Variants in PLCL2 observed in about 807,000 individuals in gnomAD.
PLCL2 encodes the protein phospholipase C like 2.
In PLCL2, 4 loss-of-function variants were observed where a neutral mutation model predicts 79.6. The ratio of observed to expected loss-of-function variants is 0.05; its 90% CI spans 0.02 to 0.11. The LOEUF is 0.11. Ranked by LOEUF, PLCL2 falls within the 10% of genes least tolerant of loss-of-function variation. PLCL2 has a pLI of 1.00. For missense variants in PLCL2, 895 were observed against 1,291.0 expected (o/e 0.69, Z 4.70); for synonymous variants, 484 against 457.7 (o/e 1.06, Z -0.73).
At chr3:16,925,904 A>G (rs370542075) in intron 1 of PLCL2, among the ~76,000 whole-genome samples, 1 of 152,266 alleles carries the variant, frequency 6.6e-6, no homozygotes, top group East Asian at 1.9e-4. Context: ...AGTGGAATTG[A>G]TGGGTTCTAT....
intron 3 of PLCL2, among the ~76,000 whole-genome samples, chr3:17,021,300 G>C (rs1314503792): frequency 6.6e-6 from 1 of 152,040 alleles, no homozygotes; most frequent in African/African-American, 2.4e-5. Flanking sequence ...CAGTTTCTCT[G>C]AAATCATCAA....
chr3:17,075,561 A>C (rs2065101488), intron 5 of PLCL2, among the ~76,000 whole-genome samples: 1 of 151,960 alleles, frequency 6.6e-6, no homozygotes, highest in Admixed American at 6.6e-5. Flanking sequence ...AAAAAAAAAA[A>C]AAATGCAGTA....
chr3:16,964,804 T>G (rs952414100), intron 1 of PLCL2, among the ~76,000 whole-genome samples: 2 of 152,204 alleles, frequency 1.3e-5, no homozygotes, highest in African/African-American at 4.8e-5. Context: ...GTCTGTTGGC[T>G]GCATAAATGT....
At chr3:17,084,803 A>ATCATACT (rs1340551386) in intron 5 of PLCL2, among the ~76,000 whole-genome samples, 2 of 152,220 alleles carry the variant, frequency 1.3e-5, no homozygotes, top group Non-Finnish European at 2.9e-5. Flanking sequence ...ATCTACAAAA[A>ATCATACT]TCATACTGCT....
chr3:17,075,992 CA>C (rs1195696501), intron 5 of PLCL2, among the ~76,000 whole-genome samples: 1 of 152,172 alleles, frequency 6.6e-6, no homozygotes, highest in Non-Finnish European at 1.5e-5. Context: ...ATTCACATAT[CA>C]GTCTTTGTAT....
chr3:16,982,601 T>A (rs1394628218), intron 1 of PLCL2, among the ~76,000 whole-genome samples: 1 of 152,224 alleles, frequency 6.6e-6, no homozygotes. Flanking sequence ...CCTGCCTGAT[T>A]TGATATAGTA....
At chr3:16,910,574 T>G (rs1192782253) in intron 1 of PLCL2, among the ~76,000 whole-genome samples, 1 of 152,156 alleles carries the variant, frequency 6.6e-6, no homozygotes, top group Non-Finnish European at 1.5e-5. Flanking sequence ...GCCTTCTTTC[T>G]ATCTGTTCAC....
intron 1 of PLCL2, among the ~76,000 whole-genome samples, chr3:16,997,888 A>G (rs974153041): frequency 2.0e-5 from 3 of 152,218 alleles, no homozygotes; most frequent in Admixed American, 2.0e-4. Flanking sequence ...AAAAGGCCCC[A>G]GGAAGAAGTT....
intron 1 of PLCL2, among the ~76,000 whole-genome samples, chr3:16,930,484 A>G (rs989881635): frequency 3.9e-5 from 6 of 152,324 alleles, no homozygotes; most frequent in Admixed American, 3.9e-4. Flanking sequence ...TTTGCTGATT[A>G]TATCTCTGTT....
At chr3:17,028,801 T>G (rs554304261) in intron 3 of PLCL2, among the ~76,000 whole-genome samples, 15 of 152,168 alleles carry the variant, frequency 9.9e-5, no homozygotes, top group Middle Eastern at 3.4e-3. Flanking sequence ...AAATCTGAGC[T>G]CCAGGATAAC....
chr3:17,036,603 C>T (rs2064658301), intron 3 of PLCL2, among the ~76,000 whole-genome samples: 1 of 152,158 alleles, frequency 6.6e-6, no homozygotes, highest in African/African-American at 2.4e-5. Flanking sequence ...CTTACAAATT[C>T]CCAAGGGCAT....
chr3:16,963,192 G>GTAT (rs1266374367), intron 1 of PLCL2, among the ~76,000 whole-genome samples: 15 of 151,968 alleles, frequency 9.9e-5, no homozygotes, highest in Non-Finnish European at 2.2e-4. Flanking sequence ...TAATGAAAGG[G>GTAT]TATAGTGACC....
chr3:16,920,625 G>C (rs1405290696), intron 1 of PLCL2, among the ~76,000 whole-genome samples: 8 of 152,026 alleles, frequency 5.3e-5, no homozygotes, highest in Non-Finnish European at 8.8e-5. Context: ...GGATGGAGAG[G>C]GCCTTTAGGG....
At chr3:17,043,502 G>T (rs1469027828) in intron 4 of PLCL2, among the ~76,000 whole-genome samples, 1 of 151,562 alleles carries the variant, frequency 6.6e-6, no homozygotes, top group Non-Finnish European at 1.5e-5. Context: ...TTTTAGCTGT[G>T]GTAAAACCAA....
intron 1 of PLCL2, among the ~76,000 whole-genome samples, chr3:16,922,803 A>C (rs1697153981): frequency 6.6e-6 from 1 of 152,060 alleles, no homozygotes; most frequent in Admixed American, 6.6e-5. Context: ...AAGAGGGTAA[A>C]GTACAGGGTT....
At chr3:17,053,364 G>C (rs994171221) in intron 4 of PLCL2, among the ~76,000 whole-genome samples, 1 of 152,082 alleles carries the variant, frequency 6.6e-6, no homozygotes, top group Non-Finnish European at 1.5e-5. Flanking sequence ...AACTCAAAAG[G>C]GGGGATGGTG....
intron 1 of PLCL2, among the ~76,000 whole-genome samples, chr3:16,922,044 TTTA>T (rs1455858281): frequency 6.6e-6 from 1 of 152,170 alleles, no homozygotes; most frequent in Non-Finnish European, 1.5e-5. Flanking sequence ...AAAAGCTATT[TTTA>T]ATCTATGTCA....
intron 1 of PLCL2, among the ~76,000 whole-genome samples, chr3:16,979,569 T>G: frequency 9.3e-6 from 1 of 107,452 alleles, no homozygotes; most frequent in Non-Finnish European, 1.9e-5. Flanking sequence ...CAAGCATCTG[T>G]CTAACAAAGC....
intron 1 of PLCL2, among the ~76,000 whole-genome samples, chr3:16,947,507 A>G (rs2063613796): frequency 6.6e-6 from 1 of 152,050 alleles, no homozygotes; most frequent in South Asian, 2.1e-4. Context: ...GACACTTCCT[A>G]CCTGTTTGGT....
Sources: gnomAD v4.1 joint callset for allele counts (sites outside exome capture counted in the v4.1 genomes callset) on GRCh38, gnomAD v4.1.1 for gene constraint, MANE v1.5 for transcripts, NCBI Gene and HGNC (gene_info 2026-07-23, HGNC 2026-07-21) for gene names.